ANKRD30BL: variants seen among roughly 807,000 people sequenced by gnomAD.
The protein encoded by ANKRD30BL is ankyrin repeat domain 30B like.
In ANKRD30BL, 20 loss-of-function variants were observed where a neutral mutation model predicts 18.4. The observed-to-expected ratio is 1.09, with a 90% CI of 0.77 to 1.58. The LOEUF is 1.58. ANKRD30BL is among the 40% of genes most tolerant of loss of function. The pLI, the probability that ANKRD30BL is intolerant of heterozygous loss-of-function variation, is 0.00. For missense variants in ANKRD30BL, 224 were observed against 268.6 expected, an observed-to-expected ratio of 0.83 and a Z score of 1.16; for synonymous variants, 72 against 100.9, an observed-to-expected ratio of 0.71 and a Z score of 1.72.
intron 1 of ANKRD30BL, among the ~76,000 whole-genome samples, chr2:132,248,927 A>G (rs1373250468): frequency 1.4e-4 from 22 of 152,004 alleles, no homozygotes; most frequent in Non-Finnish European, 2.9e-4. Context: ...ACTTTCTCAG[A>G]AACTTCTGTC....
intron 1 of ANKRD30BL, among the ~76,000 whole-genome samples, chr2:132,184,125 T>A (rs1688522657): frequency 6.6e-6 from 1 of 151,844 alleles, no homozygotes; most frequent in Admixed American, 6.6e-5. Context: ...CCAAGATGAG[T>A]GCAGTGATAT....
At chr2:132,237,071 G>C (rs201854072) in intron 1 of ANKRD30BL, among the ~76,000 whole-genome samples, 1 of 151,526 alleles carries the variant, frequency 6.6e-6, no homozygotes, top group Non-Finnish European at 1.5e-5. Context: ...TGGGAATTGA[G>C]CAATGAGATC....
intron 1 of ANKRD30BL, among the ~76,000 whole-genome samples, chr2:132,252,549 G>A (rs1276695495): frequency 1.3e-5 from 2 of 151,510 alleles, no homozygotes; most frequent in Non-Finnish European, 3.0e-5. Context: ...GGGGCAGGCA[G>A]GGGGTGGGTG....
chr2:132,176,901 T>C (rs75091815), intron 1 of ANKRD30BL, among the ~76,000 whole-genome samples: 1 of 152,230 alleles, frequency 6.6e-6, no homozygotes, highest in Non-Finnish European at 1.5e-5. Flanking sequence ...ATAGATATTG[T>C]AGAGAAGTCC....
chr2:132,204,401 G>A (rs1403053898), intron 1 of ANKRD30BL, among the ~76,000 whole-genome samples: 1 of 151,544 alleles, frequency 6.6e-6, no homozygotes, highest in African/African-American at 2.4e-5. Context: ...TAAATATATA[G>A]CATATATATA....
At chr2:132,222,832 TAA>T (rs71001178) in intron 1 of ANKRD30BL, among the ~76,000 whole-genome samples, 9 of 52,804 alleles carry the variant, frequency 1.7e-4, no homozygotes, top group African/African-American at 4.7e-4. Context: ...GAATGATCAA[TAA>T]AAAAAAAAAA....
intron 1 of ANKRD30BL, among the ~76,000 whole-genome samples, chr2:132,184,197 T>C (rs1010517326): frequency 1.4e-4 from 22 of 152,132 alleles, no homozygotes; most frequent in Non-Finnish European, 4.4e-5. Context: ...CTTAGCCTCC[T>C]GAGTAGCTTG....
At chr2:132,151,627 A>G (rs1687760341) in intron 4 of ANKRD30BL, among the ~76,000 whole-genome samples, 1 of 149,744 alleles carries the variant, frequency 6.7e-6, no homozygotes, top group Non-Finnish European at 1.5e-5. Context: ...AAAAAAAAAC[A>G]AAAAAAATGT....
At chr2:132,222,832 T>TAAAAAAAAAAAAAAAAAAAAAAA (rs71001178) in intron 1 of ANKRD30BL, among the ~76,000 whole-genome samples, 1 of 52,810 alleles carries the variant, frequency 1.9e-5, no homozygotes, top group African/African-American at 5.2e-5. Context: ...GAATGATCAA[T>TAAAAAAAAAAAAAAAAAAAAAAA]AAAAAAAAAA....
chr2:132,154,889 C>A lies in ANKRD30BL; in HGVS notation c.508-121G>T. On this transcript the variant is annotated intron_variant, in intron 3 of 5. Transcript: ENST00000409867. ...GAAAGTAAATCAATAGCAATCCCTT[C>A]TTTCTCACTTTTCTGTGCTTTCCCA... 5.8e-6 allele frequency: 3 copies of A among 514,024 alleles called. No individual in the cohort carries two copies. The South Asian group carries it at 9.4e-5, about 16-fold the overall frequency. 31.8% of individuals were successfully genotyped at this position (514,024 alleles called of 1,614,324 possible).
intron 1 of ANKRD30BL, chr2:132,253,081 G>A (rs1007559552): frequency 1.5e-4 from 23 of 157,546 alleles, no homozygotes; most frequent in African/African-American, 4.8e-4. Flanking sequence ...AGAGGGCCCC[G>A]TGGGCCCTGC....
At chr2:132,173,536 ATCCACCC>A (rs1373386940) in intron 1 of ANKRD30BL, among the ~76,000 whole-genome samples, 7 of 151,832 alleles carry the variant, frequency 4.6e-5, no homozygotes, top group African/African-American at 1.7e-4. Flanking sequence ...TCACCTCGTG[ATCCACCC>A]GCCTCAGCCT....
intron 1 of ANKRD30BL, among the ~76,000 whole-genome samples, chr2:132,196,099 G>T (rs1317799630): frequency 6.7e-6 from 1 of 148,260 alleles, no homozygotes; most frequent in Non-Finnish European, 1.5e-5. Flanking sequence ...CTGAGATCGC[G>T]CCACTGCACG....
intron 1 of ANKRD30BL, among the ~76,000 whole-genome samples, chr2:132,196,858 A>G (rs1408463704): frequency 1.3e-5 from 2 of 152,242 alleles, no homozygotes; most frequent in African/African-American, 4.8e-5. Context: ...TATATAAAAA[A>G]GAAGTGTAAA....
At chr2:132,221,784 T>C (rs1346531139) in intron 1 of ANKRD30BL, among the ~76,000 whole-genome samples, 1 of 78,890 alleles carries the variant, frequency 1.3e-5, no homozygotes, top group Non-Finnish European at 2.3e-5. Context: ...GAGGAGCCCC[T>C]CTGCCCGGCC....
At chr2:132,170,328 A>C (rs114019635) in intron 1 of ANKRD30BL, among the ~76,000 whole-genome samples, 3 of 151,962 alleles carry the variant, frequency 2.0e-5, no homozygotes, top group African/African-American at 4.8e-5. Context: ...AGGGAAAAAA[A>C]GGGAAACAGA....
intron 1 of ANKRD30BL, among the ~76,000 whole-genome samples, chr2:132,233,426 G>A (rs1254479125): frequency 1.4e-5 from 2 of 139,672 alleles, no homozygotes; most frequent in Admixed American, 7.5e-5. Flanking sequence ...TCAGTGTGCT[G>A]TATTCAGGAA....
chr2:132,185,533 A>G (rs980544013), intron 1 of ANKRD30BL, among the ~76,000 whole-genome samples: 2 of 152,222 alleles, frequency 1.3e-5, no homozygotes, highest in African/African-American at 4.8e-5. Flanking sequence ...GTTTATATCC[A>G]TATTGATTAT....
At chr2:132,221,374 G>GT (rs1318585833) in intron 1 of ANKRD30BL, among the ~76,000 whole-genome samples, 1 of 142,946 alleles carries the variant, frequency 7.0e-6, no homozygotes, top group Admixed American at 6.7e-5. Context: ...GGGGAGGGGG[G>GT]GTCAGCCCCC....
Sources: allele counts gnomAD v4.1 joint callset (sites outside exome capture counted in the v4.1 genomes callset), GRCh38; gene constraint gnomAD v4.1.1; transcripts MANE v1.5; gene names NCBI Gene and HGNC (gene_info 2026-07-23, HGNC 2026-07-21).